The following PDE7B variants were observed in gnomAD, a reference collection of about 807,000 sequenced individuals.
PDE7B encodes the protein phosphodiesterase 7B, also known as 3',5'-cyclic-AMP phosphodiesterase 7B.
In PDE7B, 29 loss-of-function variants were observed where a neutral mutation model predicts 56.2. That is an observed-to-expected ratio of 0.52 (90% CI 0.38 to 0.70). The LOEUF (loss-of-function observed/expected upper bound fraction) is 0.70. Among genes scored for constraint, PDE7B ranks in the 30% least tolerant of loss-of-function variants. PDE7B has a pLI of 0.00. For missense variants in PDE7B, 490 were observed against 565.0 expected, an observed-to-expected ratio of 0.87 and a Z score of 1.35; for synonymous variants, 197 against 196.9, an observed-to-expected ratio of 1.00 and a Z score of 0.00.
chr6:136,100,387 G>A (rs558251501), intron 2 of PDE7B, among the ~76,000 whole-genome samples: 3 of 152,264 alleles, frequency 2.0e-5, no homozygotes, highest in Admixed American at 6.5e-5. Context: ...TCACGATATT[G>A]ATTCTTCCTA....
chr6:136,046,053 G>A (rs1420377750), intron 2 of PDE7B, among the ~76,000 whole-genome samples: 3 of 151,880 alleles, frequency 2.0e-5, no homozygotes, highest in African/African-American at 7.2e-5. Flanking sequence ...AAAACCTGCA[G>A]GACATTACAT....
intron 2 of PDE7B, chr6:135,991,827 C>T (rs1298730780): frequency 6.6e-6 from 1 of 152,064 alleles, no homozygotes; most frequent in East Asian, 1.9e-4. Flanking sequence ...TATGCCTATG[C>T]CTTGAGTTAC....
intron 2 of PDE7B, among the ~76,000 whole-genome samples, chr6:136,104,236 A>AACACAATAAGAACAGACTGGGG (rs1777610004): frequency 6.6e-6 from 1 of 152,176 alleles, no homozygotes; most frequent in Non-Finnish European, 1.5e-5. Flanking sequence ...TTCCTTTTGG[A>AACACAATAAGAACAGACTGGGG]ACACAATAAG....
At chr6:136,163,304 G>C (rs1778739613) in intron 8 of PDE7B, among the ~76,000 whole-genome samples, 1 of 152,182 alleles carries the variant, frequency 6.6e-6, no homozygotes, top group Non-Finnish European at 1.5e-5. Context: ...ACACCATGTG[G>C]AAGTCACTAA....
intron 2 of PDE7B, among the ~76,000 whole-genome samples, chr6:136,031,671 G>A (rs1482198826): frequency 5.2e-4 from 77 of 149,092 alleles, no homozygotes; most frequent in African/African-American, 1.8e-3. Context: ...CCCGGGAGGC[G>A]GAGCTTGCAG....
At chr6:135,979,088 CGTT>C (rs1775246561) in intron 2 of PDE7B, among the ~76,000 whole-genome samples, 1 of 151,652 alleles carries the variant, frequency 6.6e-6, no homozygotes, top group Non-Finnish European at 1.5e-5. Context: ...TAGTATGAAG[CGTT>C]GTTGAATTTT....
At chr6:136,058,312 A>G (rs1456390280) in intron 2 of PDE7B, among the ~76,000 whole-genome samples, 1 of 152,202 alleles carries the variant, frequency 6.6e-6, no homozygotes, top group African/African-American at 2.4e-5. Flanking sequence ...AGTTTGGATA[A>G]TCTTCAATTG....
intron 2 of PDE7B, among the ~76,000 whole-genome samples, chr6:136,099,473 T>G (rs1217993844): frequency 1.3e-5 from 2 of 152,236 alleles, no homozygotes; most frequent in East Asian, 3.8e-4. Flanking sequence ...CCATTCTAAC[T>G]GGCATGAGAT....
At chr6:136,091,427 A>C (rs1036932269) in intron 2 of PDE7B, among the ~76,000 whole-genome samples, 3 of 152,240 alleles carry the variant, frequency 2.0e-5, no homozygotes, top group Non-Finnish European at 2.9e-5. Context: ...AGGTGGGCAA[A>C]AGCTTATCTT....
intron 2 of PDE7B, among the ~76,000 whole-genome samples, chr6:135,965,507 G>A (rs1368923720): frequency 1.3e-5 from 2 of 152,162 alleles, no homozygotes; most frequent in East Asian, 3.8e-4. Flanking sequence ...AGAAAAAGAG[G>A]TTTGATGGGC....
At chr6:135,908,182 G>A (rs907747097) in intron 1 of PDE7B, among the ~76,000 whole-genome samples, 1 of 151,592 alleles carries the variant, frequency 6.6e-6, no homozygotes, top group African/African-American at 2.4e-5. Context: ...TACACCTCCT[G>A]GGTTCAAGCA....
rs1053473847 is a variant in PDE7B at position 135,971,983 on chromosome 6, C to T, written c.82+24459C>T. ...GGCACGGTGGCTCATGCCTGTAATC[C>T]CAGCACTTTGGGAGGCAGAGGCAGG... On this transcript the variant is annotated intron_variant, in intron 2 of 12. Transcript: ENST00000308191. Among the ~76,000 whole-genome samples, 41 of 152,004 alleles carry T rather than the reference C, an allele frequency of 2.7e-4. 1 individual carries two copies. Among genetic ancestry groups the T allele is most frequent in the Admixed American group, 8.5e-4 (13 of 15,252 alleles).
intron 2 of PDE7B, among the ~76,000 whole-genome samples, chr6:136,100,633 T>C (rs2128217119): frequency 6.6e-6 from 1 of 152,300 alleles, no homozygotes; most frequent in South Asian, 2.1e-4. Flanking sequence ...CCTGAGACTT[T>C]GCTGAAGTTG....
chr6:136,023,242 G>C (rs987129955), intron 2 of PDE7B, among the ~76,000 whole-genome samples: 1 of 152,096 alleles, frequency 6.6e-6, no homozygotes, highest in African/African-American at 2.4e-5. Context: ...AATAGTTATA[G>C]CAGTAACATC....
chr6:135,944,075 G>A (rs1774552611), intron 1 of PDE7B, among the ~76,000 whole-genome samples: 1 of 152,196 alleles, frequency 6.6e-6, no homozygotes. Flanking sequence ...CCTAAGGAGA[G>A]ATTGGATCCT....
At chr6:135,873,307 T>TA (rs1375294421) in intron 1 of PDE7B, among the ~76,000 whole-genome samples, 1 of 152,112 alleles carries the variant, frequency 6.6e-6, no homozygotes, top group Non-Finnish European at 1.5e-5. Flanking sequence ...TGAATGGGGG[T>TA]AAAGATGCCT....
At chr6:135,865,657 GGAGA>G (rs138434061) in intron 1 of PDE7B, among the ~76,000 whole-genome samples, 14 of 146,804 alleles carry the variant, frequency 9.5e-5, no homozygotes, top group South Asian at 2.1e-4. Flanking sequence ...GTGTATGTGT[GGAGA>G]GAGAGAGAGA....
At position 135,999,040 on chromosome 6, in the gene PDE7B, T is replaced by G. The variant is rs966419140; in HGVS notation, c.82+51516T>G. Among the ~76,000 whole-genome samples, 5 of 152,220 alleles carry G rather than the reference T, an allele frequency of 3.3e-5. No individual in the cohort carries two copies. In the East Asian group the frequency reaches 5.8e-4, roughly 18 times the overall value. ...AAGAGAACGGTGAATTTATCACCTT[T>G]TCTCTGCCACAGACTCCTAGGCAAA... is the stretch of plus-strand genomic sequence containing the variant. On this transcript the variant is annotated intron_variant, in intron 2 of 12. Transcript: ENST00000308191.
intron 2 of PDE7B, among the ~76,000 whole-genome samples, chr6:136,004,774 C>T (rs1302243583): frequency 2.0e-5 from 3 of 152,124 alleles, no homozygotes; most frequent in Admixed American, 6.6e-5. Flanking sequence ...AATGGCCATA[C>T]TGCCCAAGGT....
Sources: allele counts gnomAD v4.1 joint callset (sites outside exome capture counted in the v4.1 genomes callset), GRCh38; gene constraint gnomAD v4.1.1; transcripts MANE v1.5; gene names NCBI Gene and HGNC (gene_info 2026-07-23, HGNC 2026-07-21).